The following MIOS variants were observed in gnomAD, a reference collection of about 807,000 sequenced individuals.
MIOS encodes the protein GATOR2 complex protein MIOS.
Under a neutral mutation model 96.9 loss-of-function variants are expected in MIOS, and 52 were observed. The observed-to-expected ratio is 0.54, with a 90% confidence interval of 0.43 to 0.68. The LOEUF (loss-of-function observed/expected upper bound fraction) is 0.68. Among genes scored for constraint, MIOS ranks in the 30% least tolerant of loss-of-function variants. The pLI is 0.00. For synonymous variants in MIOS, 397 were observed against 359.5 expected, an observed-to-expected ratio of 1.10 and a Z score of -1.18; for missense variants, 1,005 against 1,052.8, an observed-to-expected ratio of 0.95 and a Z score of 0.63.
At chr7:7,600,411 C>G (rs534745282) in intron 11 of MIOS, among the ~76,000 whole-genome samples, 19 of 152,042 alleles carry the variant, frequency 1.2e-4, no homozygotes, top group East Asian at 5.8e-4. Flanking sequence ...AAAAGGCAGG[C>G]GTTGCAATCC....
chr7:7,597,517 T>TATATATATATATATATATA (rs372634070), intron 11 of MIOS, among the ~76,000 whole-genome samples: 1 of 70,428 alleles, frequency 1.4e-5, no homozygotes, highest in Non-Finnish European at 2.7e-5. Flanking sequence ...TATATATATA[T>TATATATATATATATATATA]GAAGGCAATA....
chr7:7,573,233 T>G lies in MIOS; in HGVS notation c.758T>G (p.Leu253Arg), dbSNP rs748095139. The G allele has an allele frequency of 2.5e-6, 4 of 1,614,144 alleles. No individual in the cohort carries two copies. The highest frequency in any genetic ancestry group is 3.4e-6 in the Non-Finnish European group (4 of 1,179,986). ...FYEGQVAIWD[L>R]RKFEKPVLTL... Reference sequence around the variant, plus strand: ...GAAGGTCAGGTTGCAATATGGGATCTTAGAAAATTTGAGAAGCCAGTTTTG... The same window carrying G: ...GAAGGTCAGGTTGCAATATGGGATCGTAGAAAATTTGAGAAGCCAGTTTTG... Residue 253 changes from leucine (L) to arginine (R), a missense_variant, in exon 4 of 13, where the codon CTT becomes CGT. Transcript: ENST00000340080. This position sits in a 1 kb window ranked among gnomAD's most constrained non-coding sequence, Gnocchi z 5.0.
At chr7:7,586,988 C>CT (rs71988879) in intron 7 of MIOS, among the ~76,000 whole-genome samples, 2,677 of 122,738 alleles carry the variant, frequency 0.022, 112 homozygotes, top group African/African-American at 0.076. Context: ...TTTTCTTTCC[C>CT]TTTTTTTTTT....
rs145495056 is a variant in MIOS at position 7,568,546 on chromosome 7, T to G, written c.-41+423T>G. 3.3e-5 allele frequency among the ~76,000 whole-genome samples: 5 copies of G among 152,408 alleles called. No homozygotes were observed. In the East Asian group the frequency reaches 7.7e-4, roughly 23 times the overall value. On this transcript the variant is annotated intron_variant, in intron 3 of 12. Coordinates refer to ENST00000340080, the MANE Select transcript of MIOS (RefSeq NM_019005.4). Reference sequence around the variant, plus strand: ...ACCTCTCTATACAGGGCTACTCTTATGATGTGCAACCTGTGCAGTAGCACA... The same window carrying G: ...ACCTCTCTATACAGGGCTACTCTTAGGATGTGCAACCTGTGCAGTAGCACA...
At chr7:7,597,515 T>TAA (rs202130987) in intron 11 of MIOS, among the ~76,000 whole-genome samples, 2,398 of 9,458 alleles carry the variant, frequency 0.25, 706 homozygotes, top group Non-Finnish European at 0.3. Flanking sequence ...TATATATATA[T>TAA]ATGAAGGCAA....
At chr7:7,600,114 G>A (rs770333690) in intron 11 of MIOS, among the ~76,000 whole-genome samples, 13 of 151,880 alleles carry the variant, frequency 8.6e-5, no homozygotes, top group Admixed American at 5.9e-4. Flanking sequence ...AAACCCCCAT[G>A]ACACGCAATT....
At chr7:7,577,815 G>A (rs77808489) in intron 5 of MIOS, among the ~76,000 whole-genome samples, 1,655 of 152,222 alleles carry the variant, frequency 0.011, 37 homozygotes, top group African/African-American at 0.038. Context: ...ATGGAGAAGA[G>A]GAGAGAGAGC....
At chr7:7,593,870 C>G (rs1335460039) in intron 9 of MIOS, among the ~76,000 whole-genome samples, 6 of 124,854 alleles carry the variant, frequency 4.8e-5, no homozygotes, top group Non-Finnish European at 9.6e-5. Flanking sequence ...CAGAGTGAGA[C>G]TCTGTCTCCA....
chr7:7,602,425 C>A lies in MIOS; in HGVS notation c.2402-3517C>A, dbSNP rs533027984. The stretch of plus-strand genomic sequence containing the variant: ...AGAAATCACAAGCATTCTTATACAC[C>A]AATAACAGACAAACAGAGAGCCAAA... On this transcript the variant is annotated intron_variant, in intron 11 of 12. Transcript: ENST00000340080. Among the ~76,000 whole-genome samples, 5 of 152,170 alleles carry A rather than the reference C, an allele frequency of 3.3e-5. No individual in the cohort carries two copies. The East Asian group carries it at 9.7e-4, about 29-fold the overall frequency.
chr7:7,604,197 T>G (rs1388139823), intron 11 of MIOS, among the ~76,000 whole-genome samples: 2 of 152,084 alleles, frequency 1.3e-5, no homozygotes, highest in African/African-American at 4.8e-5. Flanking sequence ...ACATGTACCC[T>G]AAAACTTTAA....
intron 6 of MIOS, among the ~76,000 whole-genome samples, chr7:7,584,465 A>T (rs1011104704): frequency 6.6e-6 from 1 of 152,174 alleles, no homozygotes; most frequent in African/African-American, 2.4e-5. Flanking sequence ...ACTGAAGAGA[A>T]GACTTCTCTG....
chr7:7,592,310 C>G lies in MIOS; in HGVS notation c.2044-2670C>G, dbSNP rs141935086. On this transcript the variant is annotated intron_variant, in intron 9 of 12. Coordinates refer to ENST00000340080, the MANE Select transcript of MIOS (RefSeq NM_019005.4). The stretch of plus-strand genomic sequence containing the variant: ...GGCCCAGATTTGTTGATTCTGTTGA[C>G]TTATTCCATCACCTCTGTCTGCTGT... Among the ~76,000 whole-genome samples the G allele has an allele frequency of 8.8e-3, 1,347 of 152,268 alleles. 12 individuals carry two copies. The highest frequency in any genetic ancestry group is 0.042 in the South Asian group (201 of 4,822).
chr7:7,571,151 A>G (rs990670845), intron 3 of MIOS, among the ~76,000 whole-genome samples: 3 of 152,238 alleles, frequency 2.0e-5, no homozygotes, highest in East Asian at 1.9e-4. Flanking sequence ...GCCAATTGCA[A>G]TGAAGATTTT....
At chr7:7,603,225 T>G (rs1167585907) in intron 11 of MIOS, among the ~76,000 whole-genome samples, 4 of 151,516 alleles carry the variant, frequency 2.6e-5, no homozygotes, top group Non-Finnish European at 4.4e-5. Flanking sequence ...GGGATCTAAT[T>G]AAACTAAAGA....
chr7:7,602,559 T>A (rs1434806187), intron 11 of MIOS, among the ~76,000 whole-genome samples: 1 of 151,980 alleles, frequency 6.6e-6, no homozygotes, highest in African/African-American at 2.4e-5. Flanking sequence ...AAACTACTGC[T>A]CAAGGAAATA....
Position 7,573,018 on chromosome 7 carries a change from A to G in MIOS, c.543A>G (p.Leu181=), listed in dbSNP as rs1339096145. The change falls in exon 4 of 13, where the codon TTA becomes TTG. Residue 181 remains leucine (L), a synonymous_variant. Coordinates refer to ENST00000340080, the MANE Select transcript of MIOS (RefSeq NM_019005.4). The surrounding 1 kb of genome is among the most constrained non-coding windows in gnomAD (Gnocchi z 5.0). ...TLLVTKPLYE[L]GQNDACLSLC... ...TAGTAACAAAACCACTTTATGAGTT[A>G]GGACAGAATGATGCTTGTCTGTCTC... 6.2e-7 allele frequency: 1 copy of G among 1,614,120 alleles called. No homozygotes were observed. The highest frequency in any genetic ancestry group is 8.5e-7 in the Non-Finnish European group (1 of 1,179,976).
intron 11 of MIOS, among the ~76,000 whole-genome samples, chr7:7,601,346 G>A (rs1315606794): frequency 6.6e-6 from 1 of 151,406 alleles, no homozygotes; most frequent in African/African-American, 2.4e-5. Context: ...AAGAAGAAAA[G>A]AGAGAAAAAT....
intron 5 of MIOS, among the ~76,000 whole-genome samples, chr7:7,577,567 A>G (rs1783577840): frequency 6.6e-6 from 1 of 152,166 alleles, no homozygotes; most frequent in South Asian, 2.1e-4. Flanking sequence ...AAGCCCATAG[A>G]GGTTAAAGAT....
intron 9 of MIOS, among the ~76,000 whole-genome samples, chr7:7,593,411 T>C (rs184240212): frequency 3.3e-5 from 5 of 152,310 alleles, no homozygotes; most frequent in African/African-American, 9.6e-5. Flanking sequence ...TTTTGTTCTT[T>C]TTTTTTATAA....
Sources: allele counts gnomAD v4.1 joint callset (sites outside exome capture counted in the v4.1 genomes callset), GRCh38; gene constraint gnomAD v4.1.1; non-coding constraint Gnocchi (gnomAD v3.1); transcripts MANE v1.5; gene names NCBI Gene and HGNC (gene_info 2026-07-23, HGNC 2026-07-21).